ITGAE: variants seen among roughly 807,000 people sequenced by gnomAD.
ITGAE encodes the protein integrin alpha-E.
Under a neutral mutation model 136.5 loss-of-function variants are expected in ITGAE, and 99 were observed. The ratio of observed to expected loss-of-function variants is 0.73; its 90% CI spans 0.62 to 0.86. The LOEUF (loss-of-function observed/expected upper bound fraction) is 0.86. Among genes scored for constraint, ITGAE ranks in the 40% least tolerant of loss-of-function variants. The pLI, the probability that ITGAE is intolerant of heterozygous loss-of-function variation, is 0.00. For synonymous variants in ITGAE, 613 were observed against 591.8 expected (o/e 1.04, Z -0.52); for missense variants, 1,447 against 1,515.3 (o/e 0.95, Z 0.75).
At position 3,795,471 on chromosome 17, in the gene ITGAE, C is replaced by T. The variant is rs1326740259; in HGVS notation, c.34+5640G>A. ...AGCACCTGTTGCCTTCCAGGCACCA[C>T]GCTAGGTGCTGAGGCTCAGAGAGGG... On this transcript the variant is annotated intron_variant, in intron 1 of 30. Transcript: ENST00000263087. 2.6e-5 allele frequency among the ~76,000 whole-genome samples: 4 copies of T among 152,360 alleles called. No individual in the cohort carries two copies. In the Middle Eastern group the frequency reaches 0.014, roughly 518 times the overall value.
chr17:3,716,931 A>G, intron 29 of ITGAE, 133 bp from the exon 30 acceptor site: 1 of 602,744 alleles, frequency 1.7e-6, no homozygotes, highest in Non-Finnish European at 2.9e-6. Flanking sequence ...ATGACAGTAA[A>G]GCAAAAAGCT....
At chr17:3,740,274 A>G (rs923229725) in intron 19 of ITGAE, among the ~76,000 whole-genome samples, 1 of 152,236 alleles carries the variant, frequency 6.6e-6, no homozygotes, top group African/African-American at 2.4e-5. Flanking sequence ...TTTCGGATAT[A>G]GGCAGAACAG....
chr17:3,761,546 A>G, intron 4 of ITGAE, 26 bp from the exon 5 acceptor site: 1 of 1,588,094 alleles, frequency 6.3e-7, no homozygotes, highest in South Asian at 1.1e-5. Flanking sequence ...GAGGGTGGGG[A>G]AACACCAGGT....
intron 26 of ITGAE, among the ~76,000 whole-genome samples, chr17:3,727,023 C>G (rs1214039292): frequency 6.6e-6 from 1 of 152,010 alleles, no homozygotes; most frequent in Non-Finnish European, 1.5e-5. Flanking sequence ...AGCCATGGCA[C>G]CTGACCTATA....
At chr17:3,742,639 A>T (rs1247459782) in intron 19 of ITGAE, among the ~76,000 whole-genome samples, 17 of 151,234 alleles carry the variant, frequency 1.1e-4, no homozygotes, top group Non-Finnish European at 1.0e-4. Flanking sequence ...ATTTTTTAAA[A>T]TTTATTTTAT....
At chr17:3,757,436 G>T (rs556564666) in intron 9 of ITGAE, among the ~76,000 whole-genome samples, 1 of 152,176 alleles carries the variant, frequency 6.6e-6, no homozygotes, top group South Asian at 2.1e-4. Flanking sequence ...CATTTGTCTG[G>T]CAGGACTCAG....
chr17:3,780,958 C>A (rs939223728), intron 1 of ITGAE, among the ~76,000 whole-genome samples: 1 of 152,208 alleles, frequency 6.6e-6, no homozygotes, highest in African/African-American at 2.4e-5. Flanking sequence ...GCCATCTCAG[C>A]CTCCCCAAGT....
chr17:3,742,616 G>T (rs982835414), intron 19 of ITGAE, among the ~76,000 whole-genome samples: 2 of 150,970 alleles, frequency 1.3e-5, no homozygotes, highest in Non-Finnish European at 3.0e-5. Context: ...CACCACACTG[G>T]GCTAATCTTT....
rs961622125 is a variant in ITGAE, at chr17:3,732,294, T to G, written c.2754+74A>C. The G allele has an allele frequency of 5.4e-6, 6 of 1,111,410 alleles. No individual in the cohort carries two copies. The African/African-American group carries it at 6.1e-5, about 11-fold the overall frequency. 68.8% of individuals were successfully genotyped at this position (1,111,410 alleles called of 1,614,324 possible). A position where few individuals can be genotyped will look rare whatever the true frequency, so the allele number is the denominator to read the frequency against. On this transcript the variant is annotated intron_variant, in intron 22 of 30. Coordinates refer to ENST00000263087, the MANE Select transcript of ITGAE (RefSeq NM_002208.5). ...AAGCGCAAAGCTGGAACCGAGAGAT[T>G]GAGATGAGACCAAGATGCAGAAGAC... is the stretch of plus-strand genomic sequence containing the variant.
chr17:3,750,826 A>G (rs1489427546), intron 15 of ITGAE, among the ~76,000 whole-genome samples: 1 of 152,082 alleles, frequency 6.6e-6, no homozygotes, highest in Non-Finnish European at 1.5e-5. Flanking sequence ...GGGTGTCAAC[A>G]AAGGTTCTGT....
chr17:3,777,341 G>A (rs931636544), intron 2 of ITGAE, among the ~76,000 whole-genome samples, 199 bp downstream of exon 2: 11 of 152,202 alleles, frequency 7.2e-5, no homozygotes, highest in Admixed American at 5.9e-4. Flanking sequence ...CTGGGGTTCC[G>A]TGGACCCCAC....
intron 26 of ITGAE, chr17:3,726,152 T>A (rs760804383): frequency 6.2e-7 from 1 of 1,614,226 alleles, no homozygotes; most frequent in Non-Finnish European, 8.5e-7. Flanking sequence ...ATCACCCTTA[T>A]AGTAATGTGC....
intron 1 of ITGAE, among the ~76,000 whole-genome samples, chr17:3,788,406 C>T (rs1357064583): frequency 2.0e-5 from 3 of 150,700 alleles, no homozygotes; most frequent in Non-Finnish European, 4.4e-5. Context: ...TTTCCTGCCT[C>T]AGCCTTTCGA....
intron 6 of ITGAE, among the ~76,000 whole-genome samples, chr17:3,760,489 G>T (rs2052140988): frequency 7.3e-6 from 1 of 137,614 alleles, no homozygotes; most frequent in Admixed American, 7.8e-5. Context: ...GCCCAGGCTG[G>T]AGGGCAGTGG....
rs763319197 is a variant in ITGAE at position 3,720,411 on chromosome 17, T to C, written c.3238-9A>G. 12 of 1,278,538 alleles carry C rather than the reference T, an allele frequency of 9.4e-6. No individual in the cohort carries two copies. The highest frequency in any genetic ancestry group is 5.8e-5 in the African/African-American group (4 of 68,410). 79.2% of individuals were successfully genotyped at this position (1,278,538 alleles called of 1,614,324 possible). A position where few individuals can be genotyped will look rare whatever the true frequency, so the allele number is the denominator to read the frequency against. ...GTTACATCTTTTAGTAACTAGAAGA[T>C]GGGGAAAGGAATGAGGGAAACAAAA... On this transcript the variant is annotated splice_polypyrimidine_tract_variant and intron_variant, in intron 28 of 30. Coordinates refer to ENST00000263087, the MANE Select transcript of ITGAE (RefSeq NM_002208.5).
intron 2 of ITGAE, among the ~76,000 whole-genome samples, chr17:3,768,084 G>A (rs900050218): frequency 6.6e-6 from 1 of 152,078 alleles, no homozygotes; most frequent in African/African-American, 2.4e-5. Flanking sequence ...TAATAGAAGT[G>A]AGCCACTGTG....
intron 2 of ITGAE, among the ~76,000 whole-genome samples, chr17:3,767,763 CAGG>C (rs1255881429): frequency 6.6e-6 from 1 of 152,078 alleles, no homozygotes; most frequent in Non-Finnish European, 1.5e-5. Context: ...GCTGGGCCTA[CAGG>C]AGCGAGTTAC....
intron 16 of ITGAE, 108 bp downstream of exon 16, chr17:3,750,244 C>T (rs1197172799): frequency 1.3e-5 from 19 of 1,465,562 alleles, no homozygotes; most frequent in Admixed American, 1.2e-4. Flanking sequence ...CCCACAACCA[C>T]GGTGCTGGCT....
chr17:3,733,681 A>G (rs2051397643), intron 21 of ITGAE, among the ~76,000 whole-genome samples: 1 of 152,224 alleles, frequency 6.6e-6, no homozygotes, highest in Non-Finnish European at 1.5e-5. Context: ...TCGGCCTCCC[A>G]AAGTGCTGGG....
Sources: gnomAD v4.1 joint callset for allele counts (sites outside exome capture counted in the v4.1 genomes callset) on GRCh38, gnomAD v4.1.1 for gene constraint, MANE v1.5 for transcripts, NCBI Gene and HGNC (gene_info 2026-07-23, HGNC 2026-07-21) for gene names.